The following TSHZ2 variants were observed in gnomAD, a reference collection of about 807,000 sequenced individuals.
TSHZ2 encodes teashirt homolog 2.
TSHZ2 carries 21 observed loss-of-function variants against 74.4 expected under a neutral mutation model. The observed-to-expected ratio is 0.28, with a 90% CI of 0.20 to 0.41. The LOEUF (loss-of-function observed/expected upper bound fraction) is 0.41. Among genes scored for constraint, TSHZ2 ranks in the 10% least tolerant of loss-of-function variants. TSHZ2 has a pLI of 1.00. For synonymous variants in TSHZ2, 540 were observed against 515.3 expected, an observed-to-expected ratio of 1.05 and a Z score of -0.65; for missense variants, 1,244 against 1,293.5, an observed-to-expected ratio of 0.96 and a Z score of 0.59.
chr20:53,406,065 G>T (rs1298296992), intron 2 of TSHZ2, among the ~76,000 whole-genome samples: 1 of 152,138 alleles, frequency 6.6e-6, no homozygotes, highest in Non-Finnish European at 1.5e-5. Flanking sequence ...TCTAGACAGG[G>T]TAGATGATGA....
intron 2 of TSHZ2, among the ~76,000 whole-genome samples, chr20:53,307,592 T>C (rs1359235658): frequency 6.6e-6 from 1 of 152,210 alleles, no homozygotes; most frequent in Non-Finnish European, 1.5e-5. Flanking sequence ...TAGCAGAATC[T>C]GTAAGAGTGG....
chr20:53,419,925 G>A (rs1416531725), intron 2 of TSHZ2, among the ~76,000 whole-genome samples: 1 of 152,238 alleles, frequency 6.6e-6, no homozygotes, highest in African/African-American at 2.4e-5. Context: ...GAGCCAGGCA[G>A]CTGACATAAT....
chr20:53,425,511 A>G (rs1399800126), intron 2 of TSHZ2, among the ~76,000 whole-genome samples: 2 of 152,198 alleles, frequency 1.3e-5, no homozygotes, highest in African/African-American at 4.8e-5. Flanking sequence ...ACGGGTGTAT[A>G]TTGAGAATTT....
At chr20:53,349,585 G>A (rs1980566381) in intron 2 of TSHZ2, among the ~76,000 whole-genome samples, 1 of 150,046 alleles carries the variant, frequency 6.7e-6, no homozygotes, top group African/African-American at 2.5e-5. Context: ...CTGGGAGGTA[G>A]AGGTTGCAGT....
intron 1 of TSHZ2, among the ~76,000 whole-genome samples, chr20:53,044,643 C>A (rs944090487): frequency 2.6e-5 from 4 of 152,128 alleles, no homozygotes; most frequent in Non-Finnish European, 5.9e-5. Context: ...AGTTCTTGGA[C>A]CCCAGCCCCA....
At chr20:53,396,766 G>A (rs1315731103) in intron 2 of TSHZ2, among the ~76,000 whole-genome samples, 1 of 150,946 alleles carries the variant, frequency 6.6e-6, no homozygotes, top group Non-Finnish European at 1.5e-5. Context: ...CGGATCACTT[G>A]AGCCTAGGAA....
chr20:53,375,073 CAT>C (rs1169003338), intron 2 of TSHZ2, among the ~76,000 whole-genome samples: 2 of 152,052 alleles, frequency 1.3e-5, no homozygotes, highest in East Asian at 3.8e-4. Flanking sequence ...TACACACACA[CAT>C]GCACAGAAAC....
At chr20:53,460,611 G>C (rs1429186646) in intron 2 of TSHZ2, among the ~76,000 whole-genome samples, 8 of 152,256 alleles carry the variant, frequency 5.3e-5, no homozygotes, top group Middle Eastern at 3.4e-3. Context: ...TCCTTTGGAG[G>C]AGGAGAGGCG....
At chr20:53,307,433 C>T (rs905027402) in intron 2 of TSHZ2, among the ~76,000 whole-genome samples, 4 of 152,124 alleles carry the variant, frequency 2.6e-5, no homozygotes, top group Non-Finnish European at 4.4e-5. Flanking sequence ...GCAGCTGTTT[C>T]GACCCTTCAC....
intron 1 of TSHZ2, among the ~76,000 whole-genome samples, chr20:53,035,779 G>C (rs1412278806): frequency 1.3e-5 from 2 of 152,196 alleles, no homozygotes; most frequent in Admixed American, 1.3e-4. Context: ...TCATAGCAGA[G>C]AGTAGCTATT....
At chr20:53,481,096 T>C (rs1321396206) in intron 2 of TSHZ2, among the ~76,000 whole-genome samples, 1 of 152,060 alleles carries the variant, frequency 6.6e-6, no homozygotes, top group Non-Finnish European at 1.5e-5. Flanking sequence ...GAGAGGCAAC[T>C]AACAGTATCC....
chr20:53,431,533 T>C (rs968487804), intron 2 of TSHZ2, among the ~76,000 whole-genome samples: 8 of 151,754 alleles, frequency 5.3e-5, no homozygotes, highest in African/African-American at 1.9e-4. Flanking sequence ...ATAATAACAA[T>C]CCCTACTACA....
At chr20:53,013,153 G>C (rs937076010) in intron 1 of TSHZ2, among the ~76,000 whole-genome samples, 3 of 152,060 alleles carry the variant, frequency 2.0e-5, no homozygotes, top group African/African-American at 7.2e-5. Flanking sequence ...CAGATTTTGT[G>C]ACCATTGCAG....
intron 2 of TSHZ2, among the ~76,000 whole-genome samples, chr20:53,318,750 G>C (rs946962786): frequency 1.3e-5 from 2 of 152,232 alleles, no homozygotes; most frequent in African/African-American, 4.8e-5. Context: ...AGAGGGGGCA[G>C]CTTGGTACAG....
intron 1 of TSHZ2, among the ~76,000 whole-genome samples, chr20:53,161,130 C>CAAAAAAAAAA (rs368626161): frequency 0.12 from 7,845 of 67,762 alleles, 1,386 homozygotes; most frequent in Non-Finnish European, 0.16. Context: ...TTATTTTCAG[C>CAAAAAAAAAA]AAAAAAAAAA....
chr20:53,448,058 C>T lies in TSHZ2; in HGVS notation c.*9-39086C>T, dbSNP rs201908825. 3.6e-3 allele frequency among the ~76,000 whole-genome samples: 550 copies of T among 152,016 alleles called. 10 individuals carry two copies. The East Asian group carries it at 0.038, about 10-fold the overall frequency. ...CCTCCCGAGTAGCTGGGACTACAGG[C>T]ACCTGCCACCATGCCCCGCTACTTT... On this transcript the variant is annotated intron_variant, in intron 2 of 2. Transcript: ENST00000371497.
In TSHZ2 at chr20:53,000,691, T is replaced by G. The variant is rs149035598; in HGVS notation, c.40+27358T>G. ...GATGAATAGGGAAAAGTCAAAATAATGGAAACAATTTCACCTGGATGAGAA... is the reference window on the plus strand; with the variant it reads ...GATGAATAGGGAAAAGTCAAAATAAGGGAAACAATTTCACCTGGATGAGAA... On this transcript the variant is annotated intron_variant, in intron 1 of 2. Coordinates refer to ENST00000371497, the MANE Select transcript of TSHZ2 (RefSeq NM_173485.6). Among the ~76,000 whole-genome samples, 133 of 152,232 alleles carry G rather than the reference T, an allele frequency of 8.7e-4. 1 individual carries two copies. Among genetic ancestry groups the G allele is most frequent in the African/African-American group, 3.1e-3 (130 of 41,544 alleles).
At chr20:53,119,748 A>G (rs114910375) in intron 1 of TSHZ2, among the ~76,000 whole-genome samples, 94 of 152,350 alleles carry the variant, frequency 6.2e-4, no homozygotes, top group African/African-American at 2.2e-3. Flanking sequence ...TGTGGCTGCT[A>G]GAAAATGTTA....
At chr20:53,260,490 C>A (rs574287015) in intron 2 of TSHZ2, among the ~76,000 whole-genome samples, 8 of 152,086 alleles carry the variant, frequency 5.3e-5, no homozygotes, top group Middle Eastern at 3.4e-3. Context: ...TAGTGGCAGA[C>A]AAATAGATGA....
Sources: allele counts gnomAD v4.1 joint callset (sites outside exome capture counted in the v4.1 genomes callset), GRCh38; gene constraint gnomAD v4.1.1; transcripts MANE v1.5; gene names NCBI Gene and HGNC (gene_info 2026-07-23, HGNC 2026-07-21).